The following MYO3B variants were observed in gnomAD, a reference collection of about 807,000 sequenced individuals.
MYO3B encodes the protein myosin IIIB, also known as myosin-IIIb.
A neutral mutation model predicts 174.6 loss-of-function variants in MYO3B; 156 were observed. The observed-to-expected ratio is 0.89, with a 90% CI of 0.78 to 1.02. MYO3B has a LOEUF of 1.02. MYO3B is among the 50% of genes least tolerant of loss of function. The pLI is 0.00. For missense variants in MYO3B, 1,632 were observed against 1,639.4 expected, an observed-to-expected ratio of 1.00 and a Z score of 0.08; for synonymous variants, 563 against 569.1, an observed-to-expected ratio of 0.99 and a Z score of 0.15.
chr2:170,606,540 T>G (rs116397717), intron 32 of MYO3B, among the ~76,000 whole-genome samples: 4,472 of 152,330 alleles, frequency 0.029, 96 homozygotes, highest in Middle Eastern at 0.051. Context: ...TGTTTATAGT[T>G]GAACTCCATC....
At chr2:170,374,757 A>G (rs991684536) in intron 9 of MYO3B, among the ~76,000 whole-genome samples, 1 of 106,576 alleles carries the variant, frequency 9.4e-6, no homozygotes, top group Non-Finnish European at 1.9e-5. Context: ...ATATGCATAC[A>G]TACACACACA....
intron 8 of MYO3B, among the ~76,000 whole-genome samples, chr2:170,336,500 G>A (rs1227290465): frequency 1.3e-5 from 2 of 152,026 alleles, no homozygotes; most frequent in African/African-American, 2.4e-5. Flanking sequence ...AAAGAGCTCC[G>A]AAAGATAAAA....
intron 28 of MYO3B, among the ~76,000 whole-genome samples, chr2:170,506,758 C>T (rs1407873821): frequency 6.6e-6 from 1 of 152,156 alleles, no homozygotes; most frequent in Non-Finnish European, 1.5e-5. Flanking sequence ...ACCCATGCTT[C>T]TTGAAGGTAA....
At chr2:170,225,672 A>C (rs991815840) in intron 6 of MYO3B, among the ~76,000 whole-genome samples, 6 of 152,176 alleles carry the variant, frequency 3.9e-5, no homozygotes, top group African/African-American at 1.4e-4. Context: ...AAAAAGCACA[A>C]ATTTTAGAGT....
chr2:170,462,080 C>T (rs1208276352), intron 23 of MYO3B, among the ~76,000 whole-genome samples: 1 of 152,202 alleles, frequency 6.6e-6, no homozygotes. Flanking sequence ...GCAGGTGGTG[C>T]TGGTGTGTTG....
In MYO3B at chr2:170,215,663, G is replaced by C. The variant is rs867714557; in HGVS notation, c.526+835G>C. ...CAGAAGAAATTACTTAAAAATAAAT[G>C]AGGTTGGTTTAGACGTACTAGTCTA... On this transcript the variant is annotated intron_variant, in intron 5 of 34. Transcript: ENST00000408978. Among the ~76,000 whole-genome samples the C allele has an allele frequency of 7.2e-5, 11 of 152,314 alleles. No individual in the cohort carries two copies. In the Middle Eastern group the frequency reaches 0.01, roughly 141 times the overall value.
intron 23 of MYO3B, among the ~76,000 whole-genome samples, chr2:170,452,758 C>T (rs1219315140): frequency 6.6e-6 from 1 of 152,044 alleles, no homozygotes; most frequent in African/African-American, 2.4e-5. Flanking sequence ...TTAGAATCTA[C>T]CCAAAGATAA....
chr2:170,465,032 AT>A (rs34373546), intron 24 of MYO3B, among the ~76,000 whole-genome samples: 10 of 146,168 alleles, frequency 6.8e-5, no homozygotes, highest in African/African-American at 2.3e-4. Flanking sequence ...ATGCCTGGCA[AT>A]TTTTTTTTTT....
chr2:170,621,140 C>T (rs1240500232), intron 32 of MYO3B, among the ~76,000 whole-genome samples: 6 of 152,220 alleles, frequency 3.9e-5, no homozygotes, highest in African/African-American at 4.8e-5. Flanking sequence ...CCACCCGCCT[C>T]GGCCTCCCAA....
At chr2:170,574,540 T>C (rs914901849) in intron 32 of MYO3B, among the ~76,000 whole-genome samples, 1 of 152,172 alleles carries the variant, frequency 6.6e-6, no homozygotes, top group Admixed American at 6.5e-5. Flanking sequence ...ATTAATACTG[T>C]ATCAAATACT....
intron 7 of MYO3B, among the ~76,000 whole-genome samples, chr2:170,303,268 T>G (rs1307126106): frequency 6.6e-6 from 1 of 152,168 alleles, no homozygotes; most frequent in Non-Finnish European, 1.5e-5. Flanking sequence ...ATTTAGAAGT[T>G]TGGCAGATTT....
chr2:170,365,613 T>C (rs532396030), intron 8 of MYO3B, among the ~76,000 whole-genome samples: 1 of 152,300 alleles, frequency 6.6e-6, no homozygotes, highest in East Asian at 1.9e-4. Flanking sequence ...ACTGGCTCTT[T>C]GCTCCCCATG....
At chr2:170,220,628 CAAAAAAAAAAAAAA>C (rs71006077) in intron 6 of MYO3B, among the ~76,000 whole-genome samples, 3 of 85,926 alleles carry the variant, frequency 3.5e-5, no homozygotes, top group East Asian at 5.9e-4. Context: ...GATTCCGTCT[CAAAAAAAAAAAAAA>C]AAAAAAAAAA....
At chr2:170,319,265 A>G (rs2093798188) in intron 7 of MYO3B, among the ~76,000 whole-genome samples, 2 of 152,344 alleles carry the variant, frequency 1.3e-5, no homozygotes, top group South Asian at 4.1e-4. Flanking sequence ...CACTCAGCTA[A>G]TAAATGGTGG....
At chr2:170,621,044 G>A (rs966860279) in intron 32 of MYO3B, among the ~76,000 whole-genome samples, 3 of 151,814 alleles carry the variant, frequency 2.0e-5, no homozygotes, top group Admixed American at 6.6e-5. Context: ...ACCCGCCACT[G>A]TGCCTGGCTA....
At chr2:170,650,454 C>A (rs1698913214) in intron 32 of MYO3B, among the ~76,000 whole-genome samples, 1 of 151,984 alleles carries the variant, frequency 6.6e-6, no homozygotes, top group African/African-American at 2.4e-5. Context: ...ATCTCCAACT[C>A]TTTTTAATGA....
At chr2:170,423,809 T>G (rs1314962669) in intron 22 of MYO3B, among the ~76,000 whole-genome samples, 1 of 152,036 alleles carries the variant, frequency 6.6e-6, no homozygotes, top group Non-Finnish European at 1.5e-5. Context: ...TTGGTCTCTT[T>G]ACTTCGTGAT....
intron 25 of MYO3B, among the ~76,000 whole-genome samples, chr2:170,480,787 A>G (rs1461599943): frequency 6.6e-6 from 1 of 152,226 alleles, no homozygotes; most frequent in East Asian, 1.9e-4. Context: ...ACTCACACAC[A>G]TTTGGTCATA....
intron 7 of MYO3B, among the ~76,000 whole-genome samples, chr2:170,293,947 C>G (rs1268590490): frequency 6.7e-6 from 1 of 150,284 alleles, no homozygotes; most frequent in Non-Finnish European, 1.5e-5. Flanking sequence ...GATAAATTCA[C>G]CACTGGTTGG....
Sources: gnomAD v4.1 joint callset for allele counts (sites outside exome capture counted in the v4.1 genomes callset) on GRCh38, gnomAD v4.1.1 for gene constraint, MANE v1.5 for transcripts, NCBI Gene and HGNC (gene_info 2026-07-23, HGNC 2026-07-21) for gene names.